OSBPL10: variants seen among roughly 807,000 people sequenced by gnomAD.
OSBPL10 encodes the protein oxysterol binding protein like 10, also known as oxysterol-binding protein-related protein 10.
Under a neutral mutation model 81.7 loss-of-function variants are expected in OSBPL10, and 49 were observed. The observed-to-expected ratio is 0.60, with a 90% CI of 0.48 to 0.76. The LOEUF is 0.76. Ranked by LOEUF, OSBPL10 falls within the 30% of genes least tolerant of loss-of-function variation. The pLI, the probability that OSBPL10 is intolerant of heterozygous loss-of-function variation, is 0.00. For missense variants in OSBPL10, 923 were observed against 987.8 expected (o/e 0.93, Z 0.88); for synonymous variants, 419 against 383.6 (o/e 1.09, Z -1.08).
intron 3 of OSBPL10, among the ~76,000 whole-genome samples, chr3:31,871,305 C>T (rs772044792): frequency 1.1e-4 from 16 of 152,088 alleles, no homozygotes; most frequent in South Asian, 4.2e-4. Flanking sequence ...CCAGATGCGC[C>T]GCCTTAAGAG....
At chr3:31,815,471 G>A (rs1699813822) in intron 4 of OSBPL10, among the ~76,000 whole-genome samples, 1 of 152,212 alleles carries the variant, frequency 6.6e-6, no homozygotes, top group African/African-American at 2.4e-5. Flanking sequence ...AAACATTAGA[G>A]AAAATTCAGA....
rs145642522 is a variant in OSBPL10 at position 31,791,974 on chromosome 3, G to A, written c.729+38066C>T. The stretch of plus-strand genomic sequence containing the variant: ...AAACGAGCAAGACAAAGCTGGATGC[G>A]GTGGTTCACACCTGTAGTCCCAACA... On this transcript the variant is annotated intron_variant, in intron 4 of 11. Coordinates refer to ENST00000396556, the MANE Select transcript of OSBPL10 (RefSeq NM_017784.5). 5.8e-3 allele frequency among the ~76,000 whole-genome samples: 887 copies of A among 152,182 alleles called. 6 individuals carry two copies. Among genetic ancestry groups the A allele is most frequent in the African/African-American group, 0.02 (840 of 41,508 alleles).
At chr3:31,730,833 T>C (rs1011923993) in intron 6 of OSBPL10, among the ~76,000 whole-genome samples, 1 of 152,216 alleles carries the variant, frequency 6.6e-6, no homozygotes, top group Non-Finnish European at 1.5e-5. Flanking sequence ...AGACCTAACA[T>C]GTTCTAAACG....
chr3:31,900,025 CTTTT>C (rs11423783), intron 1 of OSBPL10, among the ~76,000 whole-genome samples: 1 of 135,496 alleles, frequency 7.4e-6, no homozygotes, highest in East Asian at 2.2e-4. Context: ...GAAAATAAAA[CTTTT>C]TTTTTTTTTT....
At position 31,670,020 on chromosome 3, in the gene OSBPL10, T is replaced by C. The variant is rs946901091; in HGVS notation, c.1913+777A>G. ...ACACCTGATCTGTACCATTTGCCAATTTCTGTGGTGCCCATCATGGCTGAT... is the reference window on the plus strand; with the variant it reads ...ACACCTGATCTGTACCATTTGCCAACTTCTGTGGTGCCCATCATGGCTGAT... On this transcript the variant is annotated intron_variant, in intron 9 of 11. Coordinates refer to ENST00000396556, the MANE Select transcript of OSBPL10 (RefSeq NM_017784.5). Among the ~76,000 whole-genome samples the C allele has an allele frequency of 1.0e-3, 158 of 152,304 alleles. 1 individual carries two copies. Among genetic ancestry groups the C allele is most frequent in the African/African-American group, 3.8e-3 (156 of 41,564 alleles).
chr3:31,884,227 C>A (rs1189202113), intron 1 of OSBPL10, among the ~76,000 whole-genome samples: 5 of 152,170 alleles, frequency 3.3e-5, no homozygotes, highest in Non-Finnish European at 5.9e-5. Flanking sequence ...AAACTGACAT[C>A]TTTAACTTTC....
intron 4 of OSBPL10, among the ~76,000 whole-genome samples, chr3:31,824,771 T>C (rs1700061983): frequency 6.6e-6 from 1 of 152,158 alleles, no homozygotes; most frequent in African/African-American, 2.4e-5. Context: ...TGGCTGTTTC[T>C]GGGTTCTTCC....
At position 32,022,376 on chromosome 3, in the gene OSBPL10, C is replaced by T. The variant is rs1336693490; in HGVS notation, n.298+24115G>A. Among the ~76,000 whole-genome samples the T allele has an allele frequency of 5.3e-5, 8 of 152,030 alleles. No homozygotes were observed. The East Asian group carries it at 7.7e-4, about 15-fold the overall frequency. Reference sequence around the variant, plus strand: ...TACAGGTAAGGGTTTTTTAGGATGGCGAGGCAGTTACAGGCAAAGTCATAA... The same window carrying T: ...TACAGGTAAGGGTTTTTTAGGATGGTGAGGCAGTTACAGGCAAAGTCATAA... On this transcript the variant is annotated intron_variant and non_coding_transcript_variant, in intron 2 of 3. Transcript: ENST00000479173.
chr3:31,888,089 G>T lies in OSBPL10; in HGVS notation c.282-8259C>A, dbSNP rs773204495. Among the ~76,000 whole-genome samples the T allele has an allele frequency of 8.0e-4, 122 of 152,262 alleles. 1 individual carries two copies. The highest frequency in any genetic ancestry group is 1.4e-3 in the Non-Finnish European group (96 of 68,020). ...CTTCAAAAGATACTACAAAGCTGTA[G>T]TATCCAAAACAGCATGGTACTGGCA... On this transcript the variant is annotated intron_variant, in intron 1 of 11. Coordinates refer to ENST00000396556, the MANE Select transcript of OSBPL10 (RefSeq NM_017784.5).
At chr3:31,771,887 G>A (rs1698389147) in intron 4 of OSBPL10, among the ~76,000 whole-genome samples, 1 of 152,046 alleles carries the variant, frequency 6.6e-6, no homozygotes, top group Non-Finnish European at 1.5e-5. Flanking sequence ...CTTGTTATTG[G>A]GCCGCAAGAA....
intron 1 of OSBPL10, among the ~76,000 whole-genome samples, chr3:31,948,246 C>A (rs897382664): frequency 6.6e-6 from 1 of 152,182 alleles, no homozygotes; most frequent in African/African-American, 2.4e-5. Context: ...TCCAGCAGAA[C>A]AATATACATG....
At chr3:31,887,630 G>A (rs549692807) in intron 1 of OSBPL10, among the ~76,000 whole-genome samples, 1 of 152,128 alleles carries the variant, frequency 6.6e-6, no homozygotes, top group Non-Finnish European at 1.5e-5. Context: ...TGTCATCTTA[G>A]AAGAGTTTAT....
intron 4 of OSBPL10, among the ~76,000 whole-genome samples, chr3:31,820,391 C>T (rs7652297): frequency 0.68 from 102,886 of 151,840 alleles, 35,590 homozygotes; most frequent in East Asian, 0.93. Context: ...GGTCAGGAGT[C>T]CAAGATCAGC....
At chr3:31,835,236 A>C (rs1416176521) in intron 3 of OSBPL10, among the ~76,000 whole-genome samples, 1 of 152,196 alleles carries the variant, frequency 6.6e-6, no homozygotes, top group Non-Finnish European at 1.5e-5. Context: ...CATTTTCAGA[A>C]ACCCACCTGT....
At chr3:31,892,722 G>A (rs1438187418) in intron 1 of OSBPL10, among the ~76,000 whole-genome samples, 2 of 152,130 alleles carry the variant, frequency 1.3e-5, no homozygotes, top group Non-Finnish European at 2.9e-5. Context: ...AGAGGGAGAG[G>A]GCGAGGGTGA....
At chr3:31,914,314 A>G (rs11924760) in intron 1 of OSBPL10, among the ~76,000 whole-genome samples, 56,858 of 151,740 alleles carry the variant, frequency 0.37, 10,652 homozygotes, top group African/African-American at 0.42. Context: ...TGGTGAATAA[A>G]AGAGTGCTAT....
intron 2 of OSBPL10, among the ~76,000 whole-genome samples, chr3:32,006,227 T>G (rs1699204560): frequency 1.3e-5 from 2 of 152,236 alleles, no homozygotes; most frequent in Non-Finnish European, 2.9e-5. Context: ...ATTACAGGCG[T>G]GAGCCACCGC....
intron 1 of OSBPL10, among the ~76,000 whole-genome samples, chr3:31,888,272 A>C (rs1695794864): frequency 6.6e-6 from 1 of 152,232 alleles, no homozygotes; most frequent in South Asian, 2.1e-4. Flanking sequence ...GGATATCCAT[A>C]TGCAGAAGAA....
chr3:31,837,638 CTGTTT>C (rs144880564), intron 3 of OSBPL10, among the ~76,000 whole-genome samples: 27,571 of 128,662 alleles, frequency 0.21, 2,630 homozygotes, highest in Middle Eastern at 0.29. Context: ...GTAGATGTGA[CTGTTT>C]TATTTCAAAA....
Sources: allele counts gnomAD v4.1 joint callset (sites outside exome capture counted in the v4.1 genomes callset), GRCh38; gene constraint gnomAD v4.1.1; transcripts MANE v1.5; gene names NCBI Gene and HGNC (gene_info 2026-07-23, HGNC 2026-07-21).